PPFIA1: variants seen among roughly 807,000 people sequenced by gnomAD.
PPFIA1 encodes PPFI scaffold protein A1.
In PPFIA1, 25 loss-of-function variants were observed where a neutral mutation model predicts 149.9. That is an observed-to-expected ratio of 0.17 (90% CI 0.12 to 0.23). The LOEUF (loss-of-function observed/expected upper bound fraction) is 0.23. Ranked by LOEUF, PPFIA1 falls within the 10% of genes least tolerant of loss-of-function variation. The pLI, the probability that PPFIA1 is intolerant of heterozygous loss-of-function variation, is 1.00. For synonymous variants in PPFIA1, 549 were observed against 552.8 expected, an observed-to-expected ratio of 0.99 and a Z score of 0.10; for missense variants, 1,362 against 1,506.5, an observed-to-expected ratio of 0.90 and a Z score of 1.59.
At chr11:70,362,217 A>T in intron 20 of PPFIA1, 41 bp downstream of exon 20, 1 of 1,612,418 alleles carries the variant, frequency 6.2e-7, no homozygotes, top group Non-Finnish European at 8.5e-7. Flanking sequence ...GGGTTACAGT[A>T]TGTGAACTTA....
At chr11:70,285,450 G>A (rs1017885387) in intron 2 of PPFIA1, among the ~76,000 whole-genome samples, 3 of 151,938 alleles carry the variant, frequency 2.0e-5, no homozygotes, top group African/African-American at 7.3e-5. Flanking sequence ...GGGAGGCCGA[G>A]ATGGGCAGAT....
intron 2 of PPFIA1, among the ~76,000 whole-genome samples, chr11:70,279,722 G>GGTGTGTGTGT (rs71046599): frequency 4.2e-4 from 57 of 135,394 alleles, no homozygotes; most frequent in African/African-American, 1.3e-3. Flanking sequence ...TATGTGTCTA[G>GGTGTGTGTGT]GTGTGTGTGT....
In PPFIA1 at chr11:70,348,278, G is replaced by A. The variant is rs749396415; in HGVS notation, c.2021G>A (p.Arg674His). Residue 674 changes from arginine to histidine, a missense_variant, in exon 16 of 28, where the codon CGT becomes CAT. Transcript: ENST00000253925. ...VGSGSLDNLG[R>H]FRSMSSIPPY... ...AGTGGAAGTCTAGACAATCTTGGTC[G>A]TTTTAGATCAATGAGCTCCATTCCC... The A allele has an allele frequency of 4.3e-6, 7 of 1,614,116 alleles. No individual in the cohort carries two copies. Among genetic ancestry groups the A allele is most frequent in the South Asian group, 2.2e-5 (2 of 91,092 alleles).
At chr11:70,303,665 C>T (rs918956965) in intron 2 of PPFIA1, among the ~76,000 whole-genome samples, 1 of 152,174 alleles carries the variant, frequency 6.6e-6, no homozygotes, top group African/African-American at 2.4e-5. Flanking sequence ...ATGTGCTGAT[C>T]AGGTGACTGG....
intron 2 of PPFIA1, among the ~76,000 whole-genome samples, chr11:70,315,403 C>T (rs1214215173): frequency 6.6e-6 from 1 of 152,130 alleles, no homozygotes; most frequent in Non-Finnish European, 1.5e-5. Flanking sequence ...GACTGACGGG[C>T]AGATAGATAT....
Position 70,355,706 on chromosome 11 carries a change from C to T in PPFIA1, c.2383C>T (p.His795Tyr), listed in dbSNP as rs761586765. The change falls in exon 18 of 28, where the codon CAC becomes TAC. Residue 795 changes from histidine (H) to tyrosine (Y), a missense_variant. By Grantham distance (83) the His-to-Tyr change is moderately conservative. Coordinates refer to ENST00000253925, the MANE Select transcript of PPFIA1 (RefSeq NM_003626.5). ...SSSNSSQDSL[H>Y]KAPKKKGIKS... ...TAGCAACAGTAGCCAGGACTCGCTC[C>T]ACAAAGCCCCAAAGAAGAAAGGCAT... 1 of 1,614,146 alleles carries T rather than the reference C, an allele frequency of 6.2e-7. No homozygotes were observed. Among genetic ancestry groups the T allele is most frequent in the Admixed American group, 1.7e-5 (1 of 60,014 alleles).
intron 21 of PPFIA1, 110 bp downstream of exon 21, chr11:70,362,598 T>G (rs779913395): frequency 1.7e-5 from 20 of 1,158,318 alleles, no homozygotes; most frequent in Non-Finnish European, 2.3e-5. Flanking sequence ...ATATGAAGTA[T>G]AGTTCTAATT....
intron 2 of PPFIA1, among the ~76,000 whole-genome samples, chr11:70,302,779 T>TC (rs1459860964): frequency 2.0e-5 from 3 of 151,820 alleles, no homozygotes; most frequent in African/African-American, 7.3e-5. Context: ...ATTTTTTTTT[T>TC]TTTTTTTTTT....
chr11:70,356,110 A>G (rs1428862862), intron 18 of PPFIA1, 51 bp from the exon 19 acceptor site: 1 of 1,391,098 alleles, frequency 7.2e-7, no homozygotes, highest in African/African-American at 1.4e-5. Context: ...ATGAAAACAT[A>G]GAGCTTTGTC....
chr11:70,375,223 G>GA, intron 24 of PPFIA1, 130 bp downstream of exon 24: 2 of 166,616 alleles, frequency 1.2e-5, no homozygotes, highest in Non-Finnish European at 2.1e-5. Context: ...CTAGTTTTTG[G>GA]TTTTTTTTTT....
chr11:70,372,093 A>G, intron 21 of PPFIA1, 122 bp from the exon 22 acceptor site: 1 of 869,024 alleles, frequency 1.2e-6, no homozygotes, highest in Non-Finnish European at 1.6e-6. Context: ...TTGCAATTAT[A>G]AAATTATCAT....
intron 2 of PPFIA1, among the ~76,000 whole-genome samples, chr11:70,295,761 C>T (rs1291523288): frequency 1.5e-4 from 22 of 149,080 alleles, no homozygotes; most frequent in African/African-American, 4.4e-4. Context: ...CCCTCCCAGA[C>T]GGGACGGCTG....
chr11:70,319,597 C>T (rs2053819622), intron 2 of PPFIA1, among the ~76,000 whole-genome samples: 1 of 152,198 alleles, frequency 6.6e-6, no homozygotes, highest in African/African-American at 2.4e-5. Context: ...ATTTTGAGCA[C>T]ATCCCTTATG....
At position 70,335,615 on chromosome 11, in the gene PPFIA1, C is replaced by T; in HGVS notation, c.1349C>T (p.Thr450Ile). Residue 450 changes from threonine to isoleucine, a missense_variant, in exon 11 of 28, where the codon ACT (threonine) becomes ATT (isoleucine). Around this residue, in one of 7 missense-constraint regions of PPFIA1, gnomAD observed 733 missense variants for 744.1 expected, o/e 0.99. Transcript: ENST00000253925. ...GAACATAATAAACGTTTATCAGACA[C>T]TGTTGACAAGCTGCTTTCAGAATCT... ...NEEHNKRLSD[T>I]VDKLLSESNE... 6.2e-7 allele frequency: 1 copy of T among 1,614,010 alleles called. No individual in the cohort carries two copies. Among genetic ancestry groups the T allele is most frequent in the Middle Eastern group, 1.7e-4 (1 of 6,060 alleles).
At chr11:70,290,244 A>T (rs1206729792) in intron 2 of PPFIA1, among the ~76,000 whole-genome samples, 1 of 152,054 alleles carries the variant, frequency 6.6e-6, no homozygotes, top group Non-Finnish European at 1.5e-5. Context: ...AAAAAAGTTT[A>T]TTATTTTTCA....
In PPFIA1 at chr11:70,312,451, A is replaced by G. The variant is rs565014488; in HGVS notation, c.265-11951A>G. 3.3e-5 allele frequency among the ~76,000 whole-genome samples: 5 copies of G among 152,236 alleles called. No homozygotes were observed. The Middle Eastern group carries it at 0.01, about 311-fold the overall frequency. ...AATGATCCTCCCACCCGAGCCCCCC[A>G]AAGTGCTGGGATTACAGGCAGGAGC... On this transcript the variant is annotated intron_variant, in intron 2 of 27. Transcript: ENST00000253925.
intron 2 of PPFIA1, among the ~76,000 whole-genome samples, chr11:70,322,157 G>A (rs1044602224): frequency 6.6e-6 from 1 of 152,202 alleles, no homozygotes; most frequent in Admixed American, 6.5e-5. Context: ...GGGATTACAG[G>A]TGTGAGCCAC....
intron 2 of PPFIA1, chr11:70,284,176 T>TC: frequency 2.4e-6 from 1 of 416,516 alleles, no homozygotes; most frequent in South Asian, 1.8e-5. Flanking sequence ...AAATGACTCT[T>TC]CCCTGAGAAT....
At chr11:70,306,574 G>A (rs1303380613) in intron 2 of PPFIA1, among the ~76,000 whole-genome samples, 1 of 152,192 alleles carries the variant, frequency 6.6e-6, no homozygotes, top group African/African-American at 2.4e-5. Context: ...TTGTATAAAT[G>A]CTTGGGCATG....
Sources: allele counts gnomAD v4.1 joint callset (sites outside exome capture counted in the v4.1 genomes callset), GRCh38; gene constraint gnomAD v4.1.1; regional missense constraint gnomAD v4.1.1; transcripts MANE v1.5; gene names NCBI Gene and HGNC (gene_info 2026-07-23, HGNC 2026-07-21).